Variants in VOPP1 observed in about 807,000 individuals in gnomAD.
The protein encoded by VOPP1 is VOPP1 WW domain binding protein, also known as WW domain binding protein VOPP1.
In VOPP1, 8 loss-of-function variants were observed where a neutral mutation model predicts 23.5. The observed-to-expected ratio is 0.34, with a 90% CI of 0.20 to 0.61. The LOEUF is 0.61. Among genes scored for constraint, VOPP1 ranks in the 20% least tolerant of loss-of-function variants. The probability of loss-of-function intolerance (pLI) is 0.78; values close to 1 mark genes in which losing one functional copy is unlikely to be tolerated. For missense variants in VOPP1, 174 were observed against 238.1 expected (o/e 0.73, Z 1.77); for synonymous variants, 83 against 97.3 (o/e 0.85, Z 0.86).
At chr7:55,527,695 C>T (rs1796269157) in intron 1 of VOPP1, among the ~76,000 whole-genome samples, 1 of 152,196 alleles carries the variant, frequency 6.6e-6, no homozygotes, top group Non-Finnish European at 1.5e-5. Context: ...GCAGAGGAAA[C>T]TACCCAAATA....
At chr7:55,563,293 A>G (rs1199177929) in intron 1 of VOPP1, among the ~76,000 whole-genome samples, 1 of 152,246 alleles carries the variant, frequency 6.6e-6, no homozygotes, top group Admixed American at 6.5e-5. Flanking sequence ...AAGGAATGCT[A>G]TATTTGCAAC....
intron 4 of VOPP1, among the ~76,000 whole-genome samples, chr7:55,483,688 C>T (rs927933324): frequency 2.0e-5 from 3 of 152,344 alleles, no homozygotes; most frequent in African/African-American, 7.2e-5. Flanking sequence ...TTTCCCATGT[C>T]ATGCTCTTTA....
intron 1 of VOPP1, among the ~76,000 whole-genome samples, chr7:55,544,115 C>A (rs1318509628): frequency 6.6e-6 from 1 of 152,182 alleles, no homozygotes; most frequent in Non-Finnish European, 1.5e-5. Flanking sequence ...AGTCTACTTT[C>A]ATTCTTCTTC....
chr7:55,475,028 A>T lies in VOPP1; in HGVS notation c.329-1983T>A, dbSNP rs139951307. ...TCTCTACAGTTTCACACCATGGTAG[A>T]CACAGGTCCCTGCTGCAGTAGGGAG... is the stretch of plus-strand genomic sequence containing the variant. On this transcript the variant is annotated intron_variant, in intron 4 of 4. Coordinates refer to ENST00000285279, the MANE Select transcript of VOPP1 (RefSeq NM_030796.5). Among the ~76,000 whole-genome samples, 23 of 152,316 alleles carry T rather than the reference A, an allele frequency of 1.5e-4. No homozygotes were observed. In the East Asian group the frequency reaches 4.1e-3, roughly 27 times the overall value.
intron 4 of VOPP1, among the ~76,000 whole-genome samples, chr7:55,457,662 T>C (rs1319976853): frequency 6.6e-6 from 1 of 152,022 alleles, no homozygotes. Context: ...CTAAGTGGGG[T>C]AAGGTGATAT....
chr7:55,501,191 A>C (rs1206077158), intron 2 of VOPP1, among the ~76,000 whole-genome samples: 1 of 152,254 alleles, frequency 6.6e-6, no homozygotes, highest in Admixed American at 6.5e-5. Context: ...GATGTCAGCA[A>C]TGCGCTACAA....
chr7:55,537,733 TTGTGACAG>T, intron 1 of VOPP1: 1 of 1,404,786 alleles, frequency 7.1e-7, no homozygotes, highest in Non-Finnish European at 9.3e-7. Context: ...AAGCCAGCGC[TTGTGACAG>T]TGTGAAAAGC....
chr7:55,563,072 A>T (rs186361299), intron 1 of VOPP1, among the ~76,000 whole-genome samples: 168 of 152,334 alleles, frequency 1.1e-3, no homozygotes, highest in African/African-American at 3.6e-3. Flanking sequence ...AATAATATTC[A>T]ATTGGTAATA....
At chr7:55,537,145 T>A (rs547406483) in intron 1 of VOPP1, among the ~76,000 whole-genome samples, 1 of 152,292 alleles carries the variant, frequency 6.6e-6, no homozygotes, top group South Asian at 2.1e-4. Flanking sequence ...TGTGCCTGCG[T>A]GGAAGGCTCT....
intron 4 of VOPP1, among the ~76,000 whole-genome samples, chr7:55,458,208 AC>A (rs2129003004): frequency 6.6e-6 from 1 of 152,174 alleles, no homozygotes; most frequent in African/African-American, 2.4e-5. Context: ...CATTCTTGGC[AC>A]CTTTGGTGAA....
intron 2 of VOPP1, chr7:55,515,927 A>G: frequency 1.0e-6 from 1 of 976,480 alleles, no homozygotes; most frequent in Non-Finnish European, 1.2e-6. Context: ...CTCCTCGGTC[A>G]GTTCCTACCT....
At chr7:55,468,609 G>A (rs1243815202), downstream of VOPP1, among the ~76,000 whole-genome samples, 2 of 152,238 alleles carry the variant, frequency 1.3e-5, no homozygotes, top group Non-Finnish European at 2.9e-5. Flanking sequence ...ACTATGGGAT[G>A]GGCTAGAGGA....
At chr7:55,440,106 T>C (rs1317036293) in intron 4 of VOPP1, among the ~76,000 whole-genome samples, 1 of 152,208 alleles carries the variant, frequency 6.6e-6, no homozygotes, top group Non-Finnish European at 1.5e-5. Context: ...GGTTTGTGCG[T>C]TCCTTGCCAG....
At chr7:55,521,979 GC>G in intron 1 of VOPP1, 1 of 835,064 alleles carries the variant, frequency 1.2e-6, no homozygotes, top group Non-Finnish European at 1.4e-6. Context: ...TAGTTTATTG[GC>G]CCCCATGTGT....
At chr7:55,533,057 T>C (rs890705205) in intron 1 of VOPP1, among the ~76,000 whole-genome samples, 2 of 152,160 alleles carry the variant, frequency 1.3e-5, no homozygotes, top group Admixed American at 6.5e-5. Flanking sequence ...TCTCTGGCAG[T>C]GTGGAGGCCT....
At chr7:55,553,878 C>T (rs1797713390) in intron 1 of VOPP1, 1 of 152,596 alleles carries the variant, frequency 6.6e-6, no homozygotes. Context: ...AGGGCTGCTC[C>T]CAAGTCTCTC....
intron 1 of VOPP1, among the ~76,000 whole-genome samples, chr7:55,555,593 G>C (rs1186759888): frequency 6.6e-6 from 1 of 152,186 alleles, no homozygotes; most frequent in Non-Finnish European, 1.5e-5. Context: ...TTTGGGTCCA[G>C]GGTATTGTTC....
intron 3 of VOPP1, among the ~76,000 whole-genome samples, chr7:55,496,949 C>T (rs1215910950): frequency 6.6e-6 from 1 of 152,246 alleles, no homozygotes; most frequent in Non-Finnish European, 1.5e-5. Context: ...CTTTCCCACA[C>T]GTGCTCTGCC....
At chr7:55,521,231 A>T (rs1262684450) in intron 1 of VOPP1, 101 bp from the exon 2 acceptor site, 15 of 1,209,392 alleles carry the variant, frequency 1.2e-5, no homozygotes, top group Non-Finnish European at 1.6e-5. Context: ...GACACAGCTT[A>T]ACCCATGAAA....
Sources: gnomAD v4.1 joint callset for allele counts (sites outside exome capture counted in the v4.1 genomes callset) on GRCh38, gnomAD v4.1.1 for gene constraint, MANE v1.5 for transcripts, NCBI Gene and HGNC (gene_info 2026-07-23, HGNC 2026-07-21) for gene names.